The following STARD9 variants were observed in gnomAD, a reference collection of about 807,000 sequenced individuals.
STARD9 encodes StAR related lipid transfer domain containing 9.
Under a neutral mutation model 399.8 loss-of-function variants are expected in STARD9, and 346 were observed. The ratio of observed to expected loss-of-function variants is 0.87; its 90% CI spans 0.79 to 0.95. The LOEUF (loss-of-function observed/expected upper bound fraction) is 0.95, where lower values mean the gene tolerates loss of function less well. Ranked by LOEUF, STARD9 falls within the 40% of genes least tolerant of loss-of-function variation. The pLI, the probability that STARD9 is intolerant of heterozygous loss-of-function variation, is 0.00. For synonymous variants in STARD9, 2,203 were observed against 2,143.5 expected, an observed-to-expected ratio of 1.03 and a Z score of -0.77; for missense variants, 5,832 against 5,667.5, an observed-to-expected ratio of 1.03 and a Z score of -0.93.
At chr15:42,674,997 A>T in intron 18 of STARD9, 33 bp downstream of exon 18, 1 of 1,486,828 alleles carries the variant, frequency 6.7e-7, no homozygotes, top group Non-Finnish European at 8.9e-7. Flanking sequence ...TTATCCCAAG[A>T]TGAGTGATGG....
chr15:42,695,760 T>C lies in STARD9; in HGVS notation c.13164T>C (p.His4388=), dbSNP rs2060831566. The C allele has an allele frequency of 4.6e-6, 7 of 1,537,214 alleles. No individual in the cohort carries two copies. Among genetic ancestry groups the C allele is most frequent in the Non-Finnish European group, 5.2e-6 (6 of 1,146,872 alleles). The change falls in exon 26 of 33, where the codon CAT becomes CAC. Residue 4388 remains histidine, a synonymous_variant. Coordinates refer to ENST00000290607, the MANE Select transcript of STARD9 (RefSeq NM_020759.3). ...SQLLKEEDKL[H]TLANSSSLCT... ...CTTCCCAGGAAGAGGATAAACTACA[T>C]ACCTTGGCCAATTCCAGCTCCCTGT...
intron 27 of STARD9, 74 bp from the exon 28 acceptor site, chr15:42,716,853 C>T (rs190567599): frequency 2.0e-6 from 3 of 1,529,266 alleles, no homozygotes; most frequent in Admixed American, 3.9e-5. Flanking sequence ...AGTCACTGGT[C>T]TGTGGGAGAG....
At chr15:42,598,886 T>C (rs984935473) in intron 3 of STARD9, among the ~76,000 whole-genome samples, 1 of 152,156 alleles carries the variant, frequency 6.6e-6, no homozygotes, top group African/African-American at 2.4e-5. Context: ...GTTAATACAT[T>C]GCTATATATA....
Position 42,690,276 on chromosome 15 carries a change from C to T in STARD9, c.8698C>T (p.Leu2900=). The T allele has an allele frequency of 4.6e-6, 7 of 1,537,372 alleles. No individual in the cohort carries two copies. The highest frequency in any genetic ancestry group is 6.1e-6 in the Non-Finnish European group (7 of 1,146,938). ...AGSKHSRPIP[L]PDQRPSANPG... Reference sequence around the variant, plus strand: ...CAGCAAACATTCCAGGCCAATTCCACTGCCAGATCAAAGACCAAGCGCAAA... The same window carrying T: ...CAGCAAACATTCCAGGCCAATTCCATTGCCAGATCAAAGACCAAGCGCAAA... Residue 2900 remains leucine (L), a synonymous_variant, in exon 23 of 33, where the codon CTG becomes TTG. Coordinates refer to ENST00000290607, the MANE Select transcript of STARD9 (RefSeq NM_020759.3).
intron 3 of STARD9, among the ~76,000 whole-genome samples, chr15:42,626,315 CTCT>C (rs1339535183): frequency 1.3e-4 from 19 of 145,576 alleles, no homozygotes; most frequent in African/African-American, 2.6e-4. Context: ...CTTCCTCTTC[CTCT>C]TCTTCCTCCT....
In STARD9 at chr15:42,691,456, C is replaced by T. The variant is rs770129113; in HGVS notation, c.9878C>T (p.Thr3293Ile). Residue 3293 changes from threonine (T) to isoleucine (I), a missense_variant, in exon 23 of 33, where the codon ACT becomes ATT. Coordinates refer to ENST00000290607, the MANE Select transcript of STARD9 (RefSeq NM_020759.3). ...GCTCAGAGGAGTGGCCACCTCTACA[C>T]TGGCAGAGAGCAGCCAGCACCCAAC... ...PAAQRSGHLYTGREQPAPNHR... is the reference protein window; with the variant it reads ...PAAQRSGHLYIGREQPAPNHR... 2.6e-6 allele frequency: 4 copies of T among 1,537,268 alleles called. No individual in the cohort carries two copies. In the South Asian group the frequency reaches 3.6e-5, roughly 14 times the overall value.
chr15:42,696,015 T>C, intron 26 of STARD9, 135 bp downstream of exon 26: 1 of 870,760 alleles, frequency 1.1e-6, no homozygotes, highest in Non-Finnish European at 1.7e-6. Flanking sequence ...GAGCCCTTCT[T>C]ATGTGCAGGC....
At chr15:42,652,338 C>T (rs985836185) in intron 8 of STARD9, among the ~76,000 whole-genome samples, 182 bp from the exon 9 acceptor site, 1 of 152,070 alleles carries the variant, frequency 6.6e-6, no homozygotes, top group Non-Finnish European at 1.5e-5. Context: ...GATATCAGCA[C>T]CTAGAGTGCT....
rs1405941463 is a variant in STARD9 at position 42,674,878 on chromosome 15, G to A, written c.1601G>A (p.Cys534Tyr). Residue 534 changes from cysteine to tyrosine, a missense_variant, in exon 18 of 33, where the codon TGT becomes TAT. By Grantham distance (194) the Cys-to-Tyr change is radical. Around this residue, in one of 2 missense-constraint regions of STARD9, gnomAD observed 5,828 missense variants for 5,651.1 expected, o/e 1.03. Coordinates refer to ENST00000290607, the MANE Select transcript of STARD9 (RefSeq NM_020759.3). ...GACCACTGCACTATCACCAGTGCCT[G>A]TGGTGTAGTTGTTCTACGACCTGCC... ...ERDHCTITSA[C>Y]GVVVLRPARG... 1.3e-6 allele frequency: 2 copies of A among 1,537,046 alleles called. No individual in the cohort carries two copies. The highest frequency in any genetic ancestry group is 2.0e-5 in the Admixed American group (1 of 50,984).
intron 8 of STARD9, 84 bp downstream of exon 8, chr15:42,651,169 GAC>G: frequency 1.0e-6 from 1 of 992,076 alleles, no homozygotes; most frequent in Non-Finnish European, 1.5e-6. Context: ...AGTGTATAAT[GAC>G]ACTTAAAATT....
chr15:42,593,831 CTT>C (rs989451934), intron 3 of STARD9, among the ~76,000 whole-genome samples: 1 of 147,082 alleles, frequency 6.8e-6, no homozygotes, highest in East Asian at 2.0e-4. Flanking sequence ...GCCCGGCTAA[CTT>C]TTTTTTTTGT....
At chr15:42,699,517 C>T (rs973510733) in intron 26 of STARD9, among the ~76,000 whole-genome samples, 64 of 150,988 alleles carry the variant, frequency 4.2e-4, no homozygotes, top group African/African-American at 1.5e-3. Flanking sequence ...CCTCAGCCTC[C>T]TGAGTAGCTG....
chr15:42,576,322 T>C (rs928840269), intron 1 of STARD9, among the ~76,000 whole-genome samples: 7 of 152,216 alleles, frequency 4.6e-5, no homozygotes, highest in African/African-American at 1.7e-4. Context: ...CAACCCCTTC[T>C]TTCTCTCAGA....
chr15:42,673,985 A>T (rs143888726), intron 16 of STARD9: 1 of 456,596 alleles, frequency 2.2e-6, no homozygotes. Context: ...GTGTTTCCAT[A>T]AATCTTCACA....
intron 3 of STARD9, among the ~76,000 whole-genome samples, chr15:42,625,375 G>A (rs2059181916): frequency 6.6e-6 from 1 of 151,300 alleles, no homozygotes; most frequent in Non-Finnish European, 1.5e-5. Flanking sequence ...CTGTCGCCCA[G>A]ACTAGAGTGC....
intron 7 of STARD9, among the ~76,000 whole-genome samples, chr15:42,642,944 A>G (rs1018001186): frequency 6.6e-6 from 1 of 152,018 alleles, no homozygotes; most frequent in East Asian, 1.9e-4. Context: ...TACTACAGAC[A>G]TGTGCCATCA....
intron 9 of STARD9, among the ~76,000 whole-genome samples, chr15:42,660,062 G>A (rs147749455): frequency 1.3e-5 from 2 of 152,188 alleles, no homozygotes; most frequent in East Asian, 3.9e-4. Flanking sequence ...GCCTTAACAT[G>A]GATAAATCTC....
chr15:42,716,916 ATTTC>A lies in STARD9; in HGVS notation c.13373-8_13373-5del. ...CAGTGCTATCACAGGGCCTCCACCT[ATTTC>A]TTGTAGGCCACAGAGCCTCCCTGGG... is the stretch of plus-strand genomic sequence containing the variant. On this transcript the variant is annotated splice_region_variant and splice_polypyrimidine_tract_variant and intron_variant, in intron 27 of 32. Transcript: ENST00000290607. The A allele has an allele frequency of 6.5e-7, 1 of 1,537,128 alleles. No individual in the cohort carries two copies.
At position 42,669,325 on chromosome 15, in the gene STARD9, C is replaced by T. The variant is rs2060162724; in HGVS notation, c.1485C>T (p.Leu495=). The T allele has an allele frequency of 2.0e-6, 3 of 1,517,596 alleles. No individual in the cohort carries two copies. The highest frequency in any genetic ancestry group is 2.7e-6 in the Non-Finnish European group (3 of 1,131,114). The allele number at this position is 1,517,596 out of a possible 1,614,324, so 94.0% of individuals were successfully genotyped here. ...EDDVLSTGVV[L]YHLKEGTTKI... Reference sequence around the variant, plus strand: ...ATGTGCTCAGCACAGGTGTTGTGCTCTATCATCTCAAGGTGAGGAGGCTAG... The same window carrying T: ...ATGTGCTCAGCACAGGTGTTGTGCTTTATCATCTCAAGGTGAGGAGGCTAG... The change falls in exon 16 of 33, where the codon CTC becomes CTT. Residue 495 remains leucine, a synonymous_variant. Coordinates refer to ENST00000290607, the MANE Select transcript of STARD9 (RefSeq NM_020759.3).
Sources: gnomAD v4.1 joint callset for allele counts (sites outside exome capture counted in the v4.1 genomes callset) on GRCh38, gnomAD v4.1.1 for gene constraint, gnomAD v4.1.1 regional missense constraint, MANE v1.5 for transcripts, NCBI Gene and HGNC (gene_info 2026-07-23, HGNC 2026-07-21) for gene names.